KDM5A: variants seen among roughly 807,000 people sequenced by gnomAD.
KDM5A encodes the protein lysine demethylase 5A.
In KDM5A, 42 loss-of-function variants were observed where a neutral mutation model predicts 193.5. The observed-to-expected ratio is 0.22, with a 90% CI of 0.17 to 0.28. KDM5A has a LOEUF of 0.28. Among genes scored for constraint, KDM5A ranks in the 10% least tolerant of loss-of-function variants. The pLI is 1.00. For synonymous variants in KDM5A, 796 were observed against 718.1 expected, an observed-to-expected ratio of 1.11 and a Z score of -1.73; for missense variants, 1,692 against 2,055.1, an observed-to-expected ratio of 0.82 and a Z score of 3.42.
rs1943172374 is a variant in KDM5A, at chr12:282,815, T to C, written c.*2641A>G. The C allele has an allele frequency of 4.3e-6, 1 of 232,580 alleles. No individual in the cohort carries two copies. Among genetic ancestry groups the C allele is most frequent in the East Asian group, 6.1e-5 (1 of 16,406 alleles). 14.4% of individuals were successfully genotyped at this position (232,580 alleles called of 1,614,324 possible). ...GAGCAAGTAAGTAATTTTCTCTAAG[T>C]GAAAATAATGCTTTGTATTAGAACA... is the stretch of plus-strand genomic sequence containing the variant. On this transcript the variant is annotated 3_prime_UTR_variant, in exon 28 of 28. Transcript: ENST00000399788.
chr12:309,903 A>C lies in KDM5A; in HGVS notation c.3278T>G (p.Val1093Gly). The change falls in exon 22 of 28, where the codon GTA becomes GGA. Residue 1093 changes from valine (V) to glycine (G), a missense_variant. Transcript: ENST00000399788. Reference sequence around the variant, plus strand: ...TTTTTCTTTTTCTATTAGTTCTTTTACTTTTTTCCTCCTATTTTTGCCACT... The same window carrying C: ...TTTTTCTTTTTCTATTAGTTCTTTTCCTTTTTTCCTCCTATTTTTGCCACT... ...YGSGKNRRKKVKELIEKEKEK... is the reference protein window; with the variant it reads ...YGSGKNRRKKGKELIEKEKEK... 1 of 1,613,540 alleles carries C rather than the reference A, an allele frequency of 6.2e-7. No homozygotes were observed. The highest frequency in any genetic ancestry group is 8.5e-7 in the Non-Finnish European group (1 of 1,179,860).
chr12:322,584 A>G lies in KDM5A; in HGVS notation c.2276-17T>C, dbSNP rs569798009. The G allele has an allele frequency of 1.2e-6, 2 of 1,606,368 alleles. No homozygotes were observed. The highest frequency in any genetic ancestry group is 2.7e-5 in the African/African-American group (2 of 74,926). On this transcript the variant is annotated splice_polypyrimidine_tract_variant and intron_variant, in intron 16 of 27. Transcript: ENST00000399788. ...CAATCAAATCTGTAAAAATTTAAAT[A>G]AAGAGCCATATACAATAACCATAGA...
At chr12:350,032 G>A (rs1053519126) in intron 10 of KDM5A, among the ~76,000 whole-genome samples, 1 of 152,162 alleles carries the variant, frequency 6.6e-6, no homozygotes, top group Admixed American at 6.5e-5. Context: ...GGAGGTTGAG[G>A]CAGGGGAATC....
intron 1 of KDM5A, chr12:388,594 G>A (rs978839653): frequency 2.9e-5 from 12 of 407,782 alleles, no homozygotes; most frequent in African/African-American, 2.0e-4. Flanking sequence ...AAACCATAAT[G>A]AGGATACGTG....
At chr12:320,882 G>C (rs1355088761) in intron 18 of KDM5A, 113 bp downstream of exon 18, 3 of 814,004 alleles carry the variant, frequency 3.7e-6, no homozygotes, top group East Asian at 2.4e-5. Flanking sequence ...ATATATGTGA[G>C]AGAAAAAAAA....
intron 10 of KDM5A, among the ~76,000 whole-genome samples, chr12:346,171 A>G (rs1261067968): frequency 6.6e-6 from 1 of 152,204 alleles, no homozygotes; most frequent in Non-Finnish European, 1.5e-5. Context: ...ATCTAGAAGA[A>G]ATGGATAAAT....
intron 3 of KDM5A, among the ~76,000 whole-genome samples, chr12:375,513 G>C (rs1240374558): frequency 1.3e-5 from 2 of 152,138 alleles, no homozygotes; most frequent in Non-Finnish European, 2.9e-5. Flanking sequence ...CTTTGCGATG[G>C]GTTCGAACTT....
In KDM5A at chr12:384,160, T is replaced by G. The variant is rs1391774135; in HGVS notation, c.244-7A>C. On this transcript the variant is annotated splice_region_variant and splice_polypyrimidine_tract_variant and intron_variant, in intron 2 of 27. Coordinates refer to ENST00000399788, the MANE Select transcript of KDM5A (RefSeq NM_001042603.3). ...ATCTCACTCTGGTCATTGCCTAAGA[T>G]TATTAAAATACAGAAGAACTAAGTT... is the stretch of plus-strand genomic sequence containing the variant. The G allele has an allele frequency of 6.3e-7, 1 of 1,583,626 alleles. No individual in the cohort carries two copies. The highest frequency in any genetic ancestry group is 1.7e-5 in the Admixed American group (1 of 59,976).
intron 3 of KDM5A, among the ~76,000 whole-genome samples, chr12:370,745 C>T (rs549266001): frequency 3.9e-5 from 6 of 152,324 alleles, no homozygotes; most frequent in Non-Finnish European, 7.3e-5. Context: ...AGGTATATCT[C>T]CTAATGCTAT....
intron 8 of KDM5A, 46 bp downstream of exon 8, chr12:354,027 GTAT>G: frequency 7.2e-7 from 1 of 1,388,328 alleles, no homozygotes; most frequent in Non-Finnish European, 1.0e-6. Context: ...GTATATGCAT[GTAT>G]TATTATTTTT....
chr12:287,511 A>G (rs74055612), intron 27 of KDM5A, among the ~76,000 whole-genome samples: 3,983 of 150,508 alleles, frequency 0.026, 122 homozygotes, highest in African/African-American at 0.084. Flanking sequence ...AAAAAAAAAA[A>G]GGGGGAAATA....
chr12:372,005 T>C (rs977672666), intron 3 of KDM5A, among the ~76,000 whole-genome samples: 8 of 152,294 alleles, frequency 5.3e-5, no homozygotes, highest in African/African-American at 1.9e-4. Context: ...ACTGTAGCCT[T>C]GTAGTATAGT....
At chr12:304,598 A>T (rs919332122) in intron 24 of KDM5A, among the ~76,000 whole-genome samples, 1 of 152,112 alleles carries the variant, frequency 6.6e-6, no homozygotes, top group African/African-American at 2.4e-5. Context: ...TGTCAAATAC[A>T]TTGCTAACAC....
chr12:318,533 A>G, intron 18 of KDM5A, 72 bp from the exon 19 acceptor site: 2 of 1,108,324 alleles, frequency 1.8e-6, no homozygotes, highest in South Asian at 2.5e-5. Context: ...AAATAGACAT[A>G]GTCAAGGCAA....
At chr12:367,445 C>T (rs1944371975) in intron 3 of KDM5A, among the ~76,000 whole-genome samples, 1 of 151,948 alleles carries the variant, frequency 6.6e-6, no homozygotes, top group Non-Finnish European at 1.5e-5. Context: ...GCCTGTAATC[C>T]CAGGACTTTG....
At position 362,951 on chromosome 12, in the gene KDM5A, A is replaced by G. The variant is rs1944310139; in HGVS notation, c.672+12T>C. The G allele has an allele frequency of 1.2e-6, 2 of 1,613,788 alleles. No homozygotes were observed. Among genetic ancestry groups the G allele is most frequent in the South Asian group, 1.1e-5 (1 of 91,068 alleles). On this transcript the variant is annotated intron_variant, in intron 5 of 27. Coordinates refer to ENST00000399788, the MANE Select transcript of KDM5A (RefSeq NM_001042603.3). ...TTATTTAAAAATTTAAAAAAGCCCA[A>G]GACATTGATACCTGAGTCTTCACAC... is the stretch of plus-strand genomic sequence containing the variant.
chr12:359,695 C>T (rs1400177648), intron 5 of KDM5A, among the ~76,000 whole-genome samples: 2 of 142,794 alleles, frequency 1.4e-5, no homozygotes, highest in African/African-American at 5.2e-5. Flanking sequence ...TTAACCAAGA[C>T]TGCGCCACTG....
chr12:378,752 A>G (rs150487563), intron 3 of KDM5A, among the ~76,000 whole-genome samples: 2,615 of 152,144 alleles, frequency 0.017, 34 homozygotes, highest in Non-Finnish European at 0.027. Flanking sequence ...AGGTCAGGAG[A>G]TTGAGACCAT....
intron 10 of KDM5A, among the ~76,000 whole-genome samples, chr12:348,840 T>C (rs985163505): frequency 1.3e-5 from 2 of 151,534 alleles, no homozygotes; most frequent in African/African-American, 4.9e-5. Flanking sequence ...CAAATCAACA[T>C]GGCACATGTA....
Sources: gnomAD v4.1 joint callset for allele counts (sites outside exome capture counted in the v4.1 genomes callset) on GRCh38, gnomAD v4.1.1 for gene constraint, MANE v1.5 for transcripts, NCBI Gene and HGNC (gene_info 2026-07-23, HGNC 2026-07-21) for gene names.